Variants in CCDC73 observed in about 807,000 individuals in gnomAD.
The protein encoded by CCDC73 is coiled-coil domain containing 73, also known as coiled-coil domain-containing protein 73.
In CCDC73, 95 loss-of-function variants were observed where a neutral mutation model predicts 116.5. The ratio of observed to expected loss-of-function variants is 0.82; its 90% CI spans 0.69 to 0.97. The LOEUF (loss-of-function observed/expected upper bound fraction) is 0.97. Among genes scored for constraint, CCDC73 ranks in the 50% least tolerant of loss-of-function variants. The pLI, the probability that CCDC73 is intolerant of heterozygous loss-of-function variation, is 0.00. For synonymous variants in CCDC73, 398 were observed against 401.3 expected, an observed-to-expected ratio of 0.99 and a Z score of 0.10; for missense variants, 1,066 against 1,206.8, an observed-to-expected ratio of 0.88 and a Z score of 1.73.
the CCDC73 span, chr11:32,829,837 G>A: frequency 1.0e-6 from 1 of 985,418 alleles, no homozygotes; most frequent in East Asian, 1.1e-4. Flanking sequence ...GGAGACGCCG[G>A]CCCACTGCCC....
At chr11:32,751,586 TTC>T (rs1850288001) in intron 2 of CCDC73, among the ~76,000 whole-genome samples, 1 of 152,156 alleles carries the variant, frequency 6.6e-6, no homozygotes, top group African/African-American at 2.4e-5. Context: ...CAGCACTGAG[TTC>T]CCACAATTGC....
chr11:32,756,423 A>C lies in CCDC73; in HGVS notation c.135+3686T>G, dbSNP rs12280587. 6.5e-4 allele frequency among the ~76,000 whole-genome samples: 5 copies of C among 7,652 alleles called. 2 individuals carry two copies. The highest frequency in any genetic ancestry group is 4.1e-3 in the Admixed American group (2 of 482). 5.0% of individuals were successfully genotyped at this position (7,652 alleles called of 152,430 possible). On this transcript the variant is annotated intron_variant, in intron 2 of 17. Transcript: ENST00000335185. ...TATATATATCTCCATATATATATCT[A>C]TATATATATCTCCATATATATCTAT...
At chr11:32,811,771 A>C in the CCDC73 span, among the ~76,000 whole-genome samples, 3 of 152,160 alleles carry the variant, frequency 2.0e-5, no homozygotes, top group Admixed American at 1.3e-4. Context: ...CTATGAGGAC[A>C]GCACCAAGCC....
chr11:32,738,233 T>C (rs1319696613), intron 2 of CCDC73, among the ~76,000 whole-genome samples: 1 of 152,248 alleles, frequency 6.6e-6, no homozygotes, highest in African/African-American at 2.4e-5. Context: ...GTGGGATTGC[T>C]GGATCATATG....
chr11:32,825,338 T>C, the CCDC73 span, among the ~76,000 whole-genome samples: 1 of 150,332 alleles, frequency 6.7e-6, no homozygotes, highest in African/African-American at 2.5e-5. Context: ...GTTTTGTTCT[T>C]GTTGCCCAGG....
chr11:32,634,655 G>A (rs1855662122), intron 14 of CCDC73, among the ~76,000 whole-genome samples: 1 of 152,162 alleles, frequency 6.6e-6, no homozygotes, highest in African/African-American at 2.4e-5. Flanking sequence ...GAGGGTCCTA[G>A]CTAGTGCATA....
chr11:32,732,610 T>A (rs539537370), intron 2 of CCDC73, among the ~76,000 whole-genome samples: 1 of 152,258 alleles, frequency 6.6e-6, no homozygotes, highest in Admixed American at 6.5e-5. Context: ...TGGGGGCCAA[T>A]CTTCAACATT....
In CCDC73 at chr11:32,760,135, CCTCCAGTAAA is replaced by C; in HGVS notation, c.99_108del (p.Ser33ArgfsTer3). On this transcript the variant is annotated frameshift_variant, in exon 2 of 18. Coordinates refer to ENST00000335185, the MANE Select transcript of CCDC73 (RefSeq NM_001008391.4). LOFTEE classifies it high-confidence loss of function. ...CTTCTCATACGCAATTCTTCTAATG[CCTCCAGTAAA>C]CTTGTTTTGAAATCTAATAGCTGAA... 6.2e-7 allele frequency: 1 copy of C among 1,603,588 alleles called. No homozygotes were observed. Among genetic ancestry groups the C allele is most frequent in the Non-Finnish European group, 8.5e-7 (1 of 1,175,878 alleles).
intron 1 of CCDC73, among the ~76,000 whole-genome samples, chr11:32,761,468 G>C (rs1850391342): frequency 6.6e-6 from 1 of 152,028 alleles, no homozygotes; most frequent in Admixed American, 6.6e-5. Context: ...AAAATTGTTG[G>C]GTTGAGTGAA....
intron 1 of CCDC73, among the ~76,000 whole-genome samples, chr11:32,781,112 G>A (rs141101456): frequency 0.014 from 2,065 of 152,278 alleles, 54 homozygotes; most frequent in African/African-American, 0.047. Flanking sequence ...TCCAGCCTGG[G>A]CAACACAGTG....
chr11:32,621,636 C>A (rs1855523965), intron 14 of CCDC73, among the ~76,000 whole-genome samples: 1 of 152,102 alleles, frequency 6.6e-6, no homozygotes. Flanking sequence ...GATGAAATCA[C>A]CAAAAGCAAC....
chr11:32,797,421 T>C (rs1170111464), upstream of CCDC73, among the ~76,000 whole-genome samples: 1 of 152,186 alleles, frequency 6.6e-6, no homozygotes, highest in Non-Finnish European at 1.5e-5. Context: ...TACATGCTGC[T>C]TCCTCTACCT....
intron 14 of CCDC73, among the ~76,000 whole-genome samples, chr11:32,632,414 C>T (rs1050521615): frequency 6.6e-6 from 1 of 152,056 alleles, no homozygotes; most frequent in Non-Finnish European, 1.5e-5. Context: ...TTAATAGAGG[C>T]GGGCTTTTGC....
chr11:32,624,777 A>T (rs1021239311), intron 14 of CCDC73, among the ~76,000 whole-genome samples: 4 of 152,212 alleles, frequency 2.6e-5, no homozygotes, highest in African/African-American at 4.8e-5. Flanking sequence ...ACAAACCCAG[A>T]TGTCCATCAA....
Position 32,755,749 on chromosome 11 carries a change from A to G in CCDC73, c.135+4360T>C, listed in dbSNP as rs1167448024. 1.5e-3 allele frequency among the ~76,000 whole-genome samples: 42 copies of G among 28,326 alleles called. 2 individuals carry two copies. Among genetic ancestry groups the G allele is most frequent in the African/African-American group, 4.6e-3 (28 of 6,068 alleles). 18.6% of individuals were successfully genotyped at this position (28,326 alleles called of 152,430 possible). On this transcript the variant is annotated intron_variant, in intron 2 of 17. Coordinates refer to ENST00000335185, the MANE Select transcript of CCDC73 (RefSeq NM_001008391.4). ...TATATATATCTCCATATATATGTGT[A>G]TATATATATATCTCCATATATATGT...
At chr11:32,649,236 A>G (rs1462444589) in intron 12 of CCDC73, among the ~76,000 whole-genome samples, 2 of 152,230 alleles carry the variant, frequency 1.3e-5, no homozygotes, top group Non-Finnish European at 2.9e-5. Context: ...AAAGTTCACA[A>G]TGAAGCCATT....
intron 14 of CCDC73, among the ~76,000 whole-genome samples, chr11:32,625,053 T>A (rs186317873): frequency 8.5e-5 from 13 of 152,352 alleles, no homozygotes. Context: ...TTGTCTGTTT[T>A]GATCTTTGTT....
rs1448168646 is a variant in CCDC73, at chr11:32,614,214, A to T, written c.2104T>A (p.Cys702Ser). 1 of 1,613,810 alleles carries T rather than the reference A, an allele frequency of 6.2e-7. No homozygotes were observed. The change falls in exon 16 of 18, where the codon TGT (cysteine) becomes AGT (serine). Residue 702 changes from cysteine (C) to serine (S), a missense_variant. By Grantham distance (112) the Cys-to-Ser change is moderately radical (BLOSUM62 -1). Coordinates refer to ENST00000335185, the MANE Select transcript of CCDC73 (RefSeq NM_001008391.4). The stretch of plus-strand genomic sequence containing the variant: ...ACATGGTGGTCGATTACTATATCAC[A>T]GGGAACAGTTAGTTCAGATTTCTCT... ...TLEKSELTVP[C>S]DIVIDHHVSY...
At chr11:32,717,389 G>A (rs1474761039) in intron 3 of CCDC73, among the ~76,000 whole-genome samples, 2 of 152,080 alleles carry the variant, frequency 1.3e-5, no homozygotes, top group South Asian at 2.1e-4. Flanking sequence ...AATAAGGGAC[G>A]AGTTATGAGG....
Sources: allele counts gnomAD v4.1 joint callset (sites outside exome capture counted in the v4.1 genomes callset), GRCh38; gene constraint gnomAD v4.1.1; transcripts MANE v1.5; gene names NCBI Gene and HGNC (gene_info 2026-07-23, HGNC 2026-07-21).